The following THBS1 variants were observed in gnomAD, a reference collection of about 807,000 sequenced individuals.
THBS1 encodes thrombospondin 1.
Under a neutral mutation model 126.1 loss-of-function variants are expected in THBS1, and 29 were observed. The observed-to-expected ratio is 0.23, with a 90% CI of 0.17 to 0.31. THBS1 has a LOEUF of 0.31. Among genes scored for constraint, THBS1 ranks in the 10% least tolerant of loss-of-function variants. The pLI is 1.00. For missense variants in THBS1, 1,198 were observed against 1,545.2 expected, an observed-to-expected ratio of 0.78 and a Z score of 3.77; for synonymous variants, 496 against 577.8, an observed-to-expected ratio of 0.86 and a Z score of 2.03.
In THBS1 at chr15:39,588,081, C is replaced by T. The variant is rs1890242821; in HGVS notation, c.1334C>T (p.Ser445Leu). The T allele has an allele frequency of 6.2e-7, 1 of 1,614,196 alleles. No homozygotes were observed. The highest frequency in any genetic ancestry group is 8.5e-7 in the Non-Finnish European group (1 of 1,180,022). Reference sequence around the variant, plus strand: ...GGCTGGAGCCACTGGTCCCCGTGGTCATCTTGTTCTGTGACATGTGGTGAT... The same window carrying T: ...GGCTGGAGCCACTGGTCCCCGTGGTTATCTTGTTCTGTGACATGTGGTGAT... ...DGGWSHWSPW[S>L]SCSVTCGDGV... is the part of the protein sequence containing the mutation. The change falls in exon 9 of 22, where the codon TCA (serine) becomes TTA (leucine). Residue 445 changes from serine to leucine, a missense_variant. Transcript: ENST00000260356.
rs1566842654 is a variant in THBS1, at chr15:39,594,491, A to G, written c.3505+51A>G. The G allele has an allele frequency of 1.3e-6, 2 of 1,596,034 alleles. No homozygotes were observed. Among genetic ancestry groups the G allele is most frequent in the Non-Finnish European group, 1.7e-6 (2 of 1,172,162 alleles). ...ACACTGGACATCTCTATTTCAGACT[A>G]ATATCAAGGATGACGGTTATGGGGG... is the stretch of plus-strand genomic sequence containing the variant. On this transcript the variant is annotated intron_variant, in intron 21 of 21. Transcript: ENST00000260356. The surrounding 1 kb of genome is among the most constrained non-coding windows in gnomAD (Gnocchi z 4.4).
intron 3 of THBS1, among the ~76,000 whole-genome samples, chr15:39,583,068 T>C (rs531470066): frequency 1.3e-5 from 2 of 152,238 alleles, no homozygotes; most frequent in African/African-American, 4.8e-5. Context: ...AAGCCTTAGA[T>C]ACTCCTTAGG....
chr15:39,585,062 G>T lies in THBS1; in HGVS notation c.1027-408G>T, dbSNP rs114051385. Among the ~76,000 whole-genome samples, 830 of 152,230 alleles carry T rather than the reference G, an allele frequency of 5.5e-3. 4 individuals carry two copies. Among genetic ancestry groups the T allele is most frequent in the African/African-American group, 0.019 (793 of 41,528 alleles). ...TATAAAGACAGATCACAGATCTATA[G>T]ATGAGGAAAAAGTGCTTATAGATCT... On this transcript the variant is annotated intron_variant, in intron 6 of 21. Transcript: ENST00000260356.
At position 39,591,634 on chromosome 15, in the gene THBS1, G is replaced by A. The variant is rs868377243; in HGVS notation, c.2532+11G>A. On this transcript the variant is annotated intron_variant, in intron 16 of 21. Transcript: ENST00000260356. Reference sequence around the variant, plus strand: ...CACAATCCGGATCAGGTAGGTGGATGGACTCCTTTCAGAGTCTTTCAGTAA... The same window carrying A: ...CACAATCCGGATCAGGTAGGTGGATAGACTCCTTTCAGAGTCTTTCAGTAA... 6.2e-7 allele frequency: 1 copy of A among 1,607,412 alleles called. No homozygotes were observed.
In THBS1 at chr15:39,589,885, T is replaced by C. The variant is rs760771949; in HGVS notation, c.2007T>C (p.Tyr669=). The C allele has an allele frequency of 1.4e-5, 23 of 1,614,082 alleles. No homozygotes were observed. The highest frequency in any genetic ancestry group is 2.5e-6 in the Non-Finnish European group (3 of 1,180,034). ...CCAAGTGCAACTACCTGGGCCACTA[T>C]AGCGACCCCATGTACCGCTGCGAGT... The part of the protein sequence containing the change: ...KNAKCNYLGH[Y]SDPMYRCECK... Residue 669 remains tyrosine, a synonymous_variant, in exon 13 of 22, where the codon TAT becomes TAC. Coordinates refer to ENST00000260356, the MANE Select transcript of THBS1 (RefSeq NM_003246.4). This position sits in a 1 kb window ranked among gnomAD's most constrained non-coding sequence, Gnocchi z 4.7.
chr15:39,593,698 G>C lies in THBS1; in HGVS notation c.3267+30G>C, dbSNP rs145381878. 8 of 1,606,450 alleles carry C rather than the reference G, an allele frequency of 5.0e-6. No individual in the cohort carries two copies. The African/African-American group carries it at 6.7e-5, about 13-fold the overall frequency. ...GAAGCAAAGCCCTGGAACAGAGAGAGAGCTTATGGGTGCCTGACTAGCACT... is the reference window on the plus strand; with the variant it reads ...GAAGCAAAGCCCTGGAACAGAGAGACAGCTTATGGGTGCCTGACTAGCACT... On this transcript the variant is annotated intron_variant, in intron 19 of 21. Coordinates refer to ENST00000260356, the MANE Select transcript of THBS1 (RefSeq NM_003246.4). The surrounding 1 kb of genome is among the most constrained non-coding windows in gnomAD (Gnocchi z 5.9).
intron 6 of THBS1, among the ~76,000 whole-genome samples, chr15:39,584,923 T>C (rs1424934968): frequency 6.6e-6 from 1 of 152,234 alleles, no homozygotes; most frequent in South Asian, 2.1e-4. Flanking sequence ...GCCAGTGAGT[T>C]TGGAGGTTCA....
Position 39,582,523 on chromosome 15 carries a change from C to G in THBS1, c.398C>G (p.Thr133Ser). The G allele has an allele frequency of 6.2e-7, 1 of 1,614,152 alleles. No homozygotes were observed. The highest frequency in any genetic ancestry group is 1.1e-5 in the South Asian group (1 of 91,076). The change falls in exon 3 of 22, where the codon ACC (threonine) becomes AGC (serine). Residue 133 changes from threonine (T) to serine (S), a missense_variant. Thr to Ser is a moderately conservative substitution (Grantham distance 58). Around this residue, in one of 4 missense-constraint regions of THBS1, gnomAD observed 271 missense variants for 277.0 expected, o/e 0.98. Coordinates refer to ENST00000260356, the MANE Select transcript of THBS1 (RefSeq NM_003246.4). ...GKAGTLDLSL[T>S]VQGKQHVVSV... Reference sequence around the variant, plus strand: ...GCGGGCACCCTGGACCTCAGCCTGACCGTCCAAGGAAAGCAGCACGTGGTG... The same window carrying G: ...GCGGGCACCCTGGACCTCAGCCTGAGCGTCCAAGGAAAGCAGCACGTGGTG...
At chr15:39,587,038 T>C in intron 7 of THBS1, 1 of 209,128 alleles carries the variant, frequency 4.8e-6, no homozygotes, top group Non-Finnish European at 9.7e-6. Context: ...TAGTTAATAA[T>C]ACTGGATTGT....
Position 39,582,181 on chromosome 15 carries a change from C to T in THBS1, c.68-12C>T. The stretch of plus-strand genomic sequence containing the variant: ...CTAGAAAGCTCACTTTGTGTTCTCT[C>T]CTGTCTAACAGAGTCTGGCGGAGAC... On this transcript the variant is annotated splice_polypyrimidine_tract_variant and intron_variant, in intron 2 of 21. Coordinates refer to ENST00000260356, the MANE Select transcript of THBS1 (RefSeq NM_003246.4). 4 of 1,582,006 alleles carry T rather than the reference C, an allele frequency of 2.5e-6. No individual in the cohort carries two copies. The highest frequency in any genetic ancestry group is 3.4e-6 in the Non-Finnish European group (4 of 1,163,570).
chr15:39,598,710 G>C lies in THBS1; in HGVS notation c.*3341G>C, dbSNP rs935711917. On this transcript the variant is annotated 3_prime_UTR_variant, in exon 22 of 22. Coordinates refer to ENST00000260356, the MANE Select transcript of THBS1 (RefSeq NM_003246.4). ...TTAAAATTATGTCATCGAGATGATA[G>C]CTTTTTTCCTCCTCCAACAGTTTAT... 6.6e-6 allele frequency: 1 copy of C among 152,158 alleles called. No individual in the cohort carries two copies. The highest frequency in any genetic ancestry group is 2.4e-5 in the African/African-American group (1 of 41,444). 9.4% of individuals were successfully genotyped at this position (152,158 alleles called of 1,614,324 possible). A position where few individuals can be genotyped will look rare whatever the true frequency, so the allele number is the denominator to read the frequency against.
rs1890349979 is a variant in THBS1 at position 39,592,690 on chromosome 15, T to C, written c.2655T>C (p.His885=). ...TGCCCAATGCCAACCAGGCTGACCA[T>C]GACAAAGATGGCAAGGGAGATGCCT... is the stretch of plus-strand genomic sequence containing the variant. ...PYVPNANQAD[H]DKDGKGDACD... The change falls in exon 17 of 22, where the codon CAT becomes CAC. Residue 885 remains histidine, a synonymous_variant. Coordinates refer to ENST00000260356, the MANE Select transcript of THBS1 (RefSeq NM_003246.4). This position sits in a 1 kb window ranked among gnomAD's most constrained non-coding sequence, Gnocchi z 4.3. The C allele has an allele frequency of 6.2e-7, 1 of 1,614,052 alleles. No individual in the cohort carries two copies. The highest frequency in any genetic ancestry group is 1.1e-5 in the South Asian group (1 of 91,082).
chr15:39,599,111 G>C lies in THBS1; in HGVS notation c.*3742G>C, dbSNP rs1890551505. 6.6e-6 allele frequency: 1 copy of C among 152,072 alleles called. No individual in the cohort carries two copies. The highest frequency in any genetic ancestry group is 1.5e-5 in the Non-Finnish European group (1 of 68,010). 9.4% of individuals were successfully genotyped at this position (152,072 alleles called of 1,614,324 possible). A position where few individuals can be genotyped will look rare whatever the true frequency, so the allele number is the denominator to read the frequency against. ...TGGCTAATTCTGTATTTTTAGTAAAGACGGGGTTTCACCTTGTTCCGGACA... is the reference window on the plus strand; with the variant it reads ...TGGCTAATTCTGTATTTTTAGTAAACACGGGGTTTCACCTTGTTCCGGACA... On this transcript the variant is annotated 3_prime_UTR_variant, in exon 22 of 22. Transcript: ENST00000260356.
Position 39,588,971 on chromosome 15 carries a change from C to T in THBS1, c.1658C>T (p.Ser553Phe). 6.2e-7 allele frequency: 1 copy of T among 1,614,178 alleles called. No homozygotes were observed. The highest frequency in any genetic ancestry group is 8.5e-7 in the Non-Finnish European group (1 of 1,180,040). ...KQDCPIDGCL[S>F]NPCFAGVKCT... ...CTCCTTGTCTCAGATGGATGCCTGT[C>T]CAATCCCTGCTTTGCCGGCGTGAAG... is the stretch of plus-strand genomic sequence containing the variant. The change falls in exon 11 of 22, where the codon TCC (serine) becomes TTC (phenylalanine). Residue 553 changes from serine (S) to phenylalanine (F), a missense_variant. By Grantham distance (155) the Ser-to-Phe change is radical (BLOSUM62 -2). This residue lies in a region of THBS1 where 663 missense variants were observed against 860.1 expected (regional missense o/e 0.77). Coordinates refer to ENST00000260356, the MANE Select transcript of THBS1 (RefSeq NM_003246.4).
intron 7 of THBS1, 127 bp from the exon 8 acceptor site, chr15:39,587,220 T>A (rs954361357): frequency 7.7e-6 from 7 of 910,826 alleles, no homozygotes; most frequent in Non-Finnish European, 9.5e-6. Flanking sequence ...TATACCTCAG[T>A]AAAGCCAAAA....
At chr15:39,591,073 C>T in intron 14 of THBS1, 118 bp from the exon 15 acceptor site, 1 of 1,139,410 alleles carries the variant, frequency 8.8e-7, no homozygotes, top group Non-Finnish European at 1.3e-6. Flanking sequence ...ATTAGCCTAT[C>T]CACTAGGTAG....
rs777314137 is a variant in THBS1 at position 39,592,967 on chromosome 15, A to G, written c.2768-33A>G. The G allele has an allele frequency of 1.2e-6, 2 of 1,606,370 alleles. No homozygotes were observed. Among genetic ancestry groups the G allele is most frequent in the East Asian group, 4.5e-5 (2 of 44,864 alleles). ...ACCAGTAATAATAATAGCACTTTAGAATTTTGCTGAACTCTTGCTTTTTTG... is the reference window on the plus strand; with the variant it reads ...ACCAGTAATAATAATAGCACTTTAGGATTTTGCTGAACTCTTGCTTTTTTG... On this transcript the variant is annotated intron_variant, in intron 17 of 21. Coordinates refer to ENST00000260356, the MANE Select transcript of THBS1 (RefSeq NM_003246.4). This position sits in a 1 kb window ranked among gnomAD's most constrained non-coding sequence, Gnocchi z 4.3.
intron 13 of THBS1, 110 bp from the exon 14 acceptor site, chr15:39,590,406 G>T: frequency 1.2e-6 from 1 of 848,904 alleles, no homozygotes; most frequent in East Asian, 2.7e-5. Flanking sequence ...TGCTGTTACT[G>T]AGCCAAATTC....
chr15:39,591,172 C>G lies in THBS1; in HGVS notation c.2254-19C>G. Reference sequence around the variant, plus strand: ...TTCAAGGACAACATTGTTAAGTGCTCCATTTCTTCTCTTTGCAGGACAACT... The same window carrying G: ...TTCAAGGACAACATTGTTAAGTGCTGCATTTCTTCTCTTTGCAGGACAACT... On this transcript the variant is annotated intron_variant, in intron 14 of 21. Coordinates refer to ENST00000260356, the MANE Select transcript of THBS1 (RefSeq NM_003246.4). The G allele has an allele frequency of 6.2e-7, 1 of 1,611,108 alleles. No individual in the cohort carries two copies. The highest frequency in any genetic ancestry group is 8.5e-7 in the Non-Finnish European group (1 of 1,178,092).
Sources: allele counts gnomAD v4.1 joint callset (sites outside exome capture counted in the v4.1 genomes callset), GRCh38; gene constraint gnomAD v4.1.1; regional missense constraint gnomAD v4.1.1; non-coding constraint Gnocchi (gnomAD v3.1); transcripts MANE v1.5; gene names NCBI Gene and HGNC (gene_info 2026-07-23, HGNC 2026-07-21).